The following SLC39A9 variants were observed in gnomAD, a reference collection of about 807,000 sequenced individuals.
SLC39A9 encodes the protein solute carrier family 39 member 9.
Under a neutral mutation model 28.4 loss-of-function variants are expected in SLC39A9, and 14 were observed. That is an observed-to-expected ratio of 0.49 (90% CI 0.33 to 0.77). The LOEUF (loss-of-function observed/expected upper bound fraction) is 0.77. SLC39A9 is among the 30% of genes least tolerant of loss of function. The pLI, the probability that SLC39A9 is intolerant of heterozygous loss-of-function variation, is 0.02. For synonymous variants in SLC39A9, 119 were observed against 149.6 expected (o/e 0.80, Z 1.49); for missense variants, 283 against 381.1 (o/e 0.74, Z 2.14).
chr14:69,404,726 G>A (rs775004109), intron 1 of SLC39A9, among the ~76,000 whole-genome samples: 1 of 152,066 alleles, frequency 6.6e-6, no homozygotes, highest in Non-Finnish European at 1.5e-5. Context: ...TATTTGGAGA[G>A]GCCAGGGCTT....
chr14:69,412,233 C>G (rs890061654), intron 1 of SLC39A9, among the ~76,000 whole-genome samples: 2 of 151,066 alleles, frequency 1.3e-5, no homozygotes, highest in African/African-American at 4.9e-5. Context: ...ACTAAAAATA[C>G]AAAAAATTAG....
intron 1 of SLC39A9, among the ~76,000 whole-genome samples, chr14:69,418,422 T>G (rs1883692881): frequency 6.6e-6 from 1 of 152,166 alleles, no homozygotes; most frequent in African/African-American, 2.4e-5. Context: ...GATATTGGTC[T>G]AAAATTCTCT....
At position 69,435,668 on chromosome 14, in the gene SLC39A9, G is replaced by T. The variant is rs190518824; in HGVS notation, c.206-6401G>T. 2.0e-3 allele frequency among the ~76,000 whole-genome samples: 304 copies of T among 152,022 alleles called. 1 individual carries two copies. Among genetic ancestry groups the T allele is most frequent in the African/African-American group, 7.1e-3 (293 of 41,462 alleles). Reference sequence around the variant, plus strand: ...CTGATTCTTTCCTCTGTCCTTTCCAGTCTACTATTTTCTTTTTTTTTTGAG... The same window carrying T: ...CTGATTCTTTCCTCTGTCCTTTCCATTCTACTATTTTCTTTTTTTTTTGAG... On this transcript the variant is annotated intron_variant, in intron 2 of 6. Coordinates refer to ENST00000336643, the MANE Select transcript of SLC39A9 (RefSeq NM_018375.5).
chr14:69,457,929 C>T (rs889873543), intron 6 of SLC39A9, among the ~76,000 whole-genome samples: 2 of 152,082 alleles, frequency 1.3e-5, no homozygotes, highest in South Asian at 2.1e-4. Flanking sequence ...AATGGATGGA[C>T]AGAATGATGG....
rs71446389 is a variant in SLC39A9 at position 69,430,628 on chromosome 14, C to CTTT, written c.205+6439_205+6441dup. ...TCCTTCTTTGTTCTTATTTTTCTTT[C>CTTT]TTTTTTTTTTTTTTTCTTGAGACAA... On this transcript the variant is annotated intron_variant, in intron 2 of 6. Transcript: ENST00000336643. 6.7e-3 allele frequency among the ~76,000 whole-genome samples: 922 copies of CTTT among 137,698 alleles called. 17 individuals carry two copies. The highest frequency in any genetic ancestry group is 0.021 in the African/African-American group (766 of 37,246). The allele number at this position is 137,698 out of a possible 152,430, so 90.3% of individuals were successfully genotyped here. A position where few individuals can be genotyped will look rare whatever the true frequency, so the allele number is the denominator to read the frequency against.
rs1483697342 is a variant in SLC39A9, at chr14:69,455,877, C to G, written c.693+11C>G. 3.1e-6 allele frequency: 5 copies of G among 1,613,088 alleles called. No homozygotes were observed. Among genetic ancestry groups the G allele is most frequent in the Non-Finnish European group, 4.2e-6 (5 of 1,179,534 alleles). On this transcript the variant is annotated intron_variant, in intron 6 of 6. Transcript: ENST00000336643. ...TTAGGACTGAGTAAGGTAAGCTAATCTATTCCCAGCTATCTAAACCAGTGT... is the reference window on the plus strand; with the variant it reads ...TTAGGACTGAGTAAGGTAAGCTAATGTATTCCCAGCTATCTAAACCAGTGT...
intron 1 of SLC39A9, among the ~76,000 whole-genome samples, chr14:69,419,850 G>T (rs1424625568): frequency 3.9e-5 from 6 of 152,044 alleles, no homozygotes. Context: ...CATTTGCTTG[G>T]TAGATCTTCC....
At chr14:69,441,820 T>C in intron 2 of SLC39A9, 1 of 1,195,026 alleles carries the variant, frequency 8.4e-7, no homozygotes, top group Non-Finnish European at 1.0e-6. Context: ...GTGATTTGCT[T>C]CCACTTCCCA....
chr14:69,448,195 A>C (rs1028439063), intron 3 of SLC39A9, among the ~76,000 whole-genome samples: 1 of 142,298 alleles, frequency 7.0e-6, no homozygotes, highest in African/African-American at 2.7e-5. Context: ...AGCCTGGGCA[A>C]CAAAGTGAGA....
chr14:69,438,376 G>T (rs929369468), intron 2 of SLC39A9, among the ~76,000 whole-genome samples: 1 of 152,128 alleles, frequency 6.6e-6, no homozygotes, highest in African/African-American at 2.4e-5. Context: ...CAAGAAAGAC[G>T]TTTGTATACA....
intron 2 of SLC39A9, among the ~76,000 whole-genome samples, chr14:69,440,134 C>A (rs1319337889): frequency 6.6e-6 from 1 of 152,048 alleles, no homozygotes; most frequent in Admixed American, 6.5e-5. Context: ...ACCATCAGAT[C>A]TTGCAAGAAC....
intron 3 of SLC39A9, among the ~76,000 whole-genome samples, chr14:69,450,706 C>T (rs943540562): frequency 1.3e-5 from 2 of 152,038 alleles, no homozygotes; most frequent in African/African-American, 4.8e-5. Context: ...CATTTCAGTT[C>T]GAGGCTGCAG....
At chr14:69,456,312 GA>G (rs1449608872) in intron 6 of SLC39A9, among the ~76,000 whole-genome samples, 1 of 152,150 alleles carries the variant, frequency 6.6e-6, no homozygotes, top group Non-Finnish European at 1.5e-5. Flanking sequence ...ATTGATTACT[GA>G]AGTGATAGAG....
In SLC39A9 at chr14:69,442,189, G is replaced by C. The variant is rs1885080878; in HGVS notation, c.326G>C (p.Gly109Ala). The change falls in exon 3 of 7, where the codon GGT (glycine) becomes GCT (alanine). Residue 109 changes from glycine to alanine, a missense_variant. Gly to Ala is a moderately conservative substitution (Grantham distance 60). Transcript: ENST00000336643. Reference sequence around the variant, plus strand: ...CACACACAGCTGCATGCCTATATTGGTGTTTCCCTCGTTCTGGGCTTCGTT... The same window carrying C: ...CACACACAGCTGCATGCCTATATTGCTGTTTCCCTCGTTCTGGGCTTCGTT... The part of the protein sequence containing the change: ...HDHTQLHAYI[G>A]VSLVLGFVFM... The C allele has an allele frequency of 6.2e-7, 1 of 1,614,080 alleles. No individual in the cohort carries two copies. Among genetic ancestry groups the C allele is most frequent in the Non-Finnish European group, 8.5e-7 (1 of 1,180,040 alleles).
chr14:69,399,760 A>G (rs1566903814), intron 1 of SLC39A9, among the ~76,000 whole-genome samples: 3 of 152,242 alleles, frequency 2.0e-5, no homozygotes, highest in African/African-American at 2.4e-5. Flanking sequence ...GAGAGGCACC[A>G]TAACATTTCT....
chr14:69,407,302 C>CCTTCCTTCCTT (rs1555405708), intron 1 of SLC39A9, among the ~76,000 whole-genome samples: 88 of 143,936 alleles, frequency 6.1e-4, no homozygotes, highest in African/African-American at 2.2e-3. Context: ...TCCCTTCCTT[C>CCTTCCTTCCTT]CCTTCCTTCC....
At chr14:69,410,096 C>CT (rs1444763952) in intron 1 of SLC39A9, among the ~76,000 whole-genome samples, 1 of 152,092 alleles carries the variant, frequency 6.6e-6, no homozygotes, top group Non-Finnish European at 1.5e-5. Flanking sequence ...ATCAAACAAT[C>CT]TTACGGGATT....
chr14:69,412,593 C>G (rs1216046664), intron 1 of SLC39A9, among the ~76,000 whole-genome samples: 1 of 151,962 alleles, frequency 6.6e-6, no homozygotes, highest in Non-Finnish European at 1.5e-5. Flanking sequence ...GTATCAGAGC[C>G]CAGTGGCCGG....
chr14:69,418,641 C>T (rs1225675838), intron 1 of SLC39A9, among the ~76,000 whole-genome samples: 3 of 151,988 alleles, frequency 2.0e-5, no homozygotes, highest in Admixed American at 6.6e-5. Context: ...TGGTCCTGGA[C>T]GTTTTTTGGT....
Sources: gnomAD v4.1 joint callset for allele counts (sites outside exome capture counted in the v4.1 genomes callset) on GRCh38, gnomAD v4.1.1 for gene constraint, MANE v1.5 for transcripts, NCBI Gene and HGNC (gene_info 2026-07-23, HGNC 2026-07-21) for gene names.